The following GRK5 variants were observed in gnomAD, a reference collection of about 807,000 sequenced individuals.
GRK5 encodes G protein-coupled receptor kinase 5.
In GRK5, 40 loss-of-function variants were observed where a neutral mutation model predicts 78.4. The ratio of observed to expected loss-of-function variants is 0.51; its 90% CI spans 0.40 to 0.66. The LOEUF is 0.66. Ranked by LOEUF, GRK5 falls within the 30% of genes least tolerant of loss-of-function variation. The pLI is 0.00. For synonymous variants in GRK5, 289 were observed against 296.8 expected (o/e 0.97, Z 0.27); for missense variants, 598 against 759.9 (o/e 0.79, Z 2.50).
intron 1 of GRK5, among the ~76,000 whole-genome samples, chr10:119,252,676 G>A (rs1027611559): frequency 6.6e-6 from 1 of 152,164 alleles, no homozygotes; most frequent in African/African-American, 2.4e-5. Context: ...AGAAAAAGAT[G>A]GTGCTGTTAA....
Position 119,289,037 on chromosome 10 carries a change from CT to C in GRK5, c.53-37471del, listed in dbSNP as rs561728802. 6.9e-3 allele frequency among the ~76,000 whole-genome samples: 1,047 copies of C among 152,198 alleles called. 8 individuals carry two copies. The highest frequency in any genetic ancestry group is 0.023 in the African/African-American group (975 of 41,516). ...TTTCCCCCTCTGACCTTAAGCAAAA[CT>C]TTTTTTTCCCTCCAACACTTGTATT... is the stretch of plus-strand genomic sequence containing the variant. On this transcript the variant is annotated intron_variant, in intron 1 of 15. Coordinates refer to ENST00000392870, the MANE Select transcript of GRK5 (RefSeq NM_005308.3).
intron 1 of GRK5, among the ~76,000 whole-genome samples, chr10:119,311,240 T>C (rs1010028621): frequency 6.6e-6 from 1 of 152,200 alleles, no homozygotes; most frequent in African/African-American, 2.4e-5. Context: ...GCTTTTGCTA[T>C]GTCCAAGCAC....
chr10:119,353,664 C>T (rs1035098362), intron 2 of GRK5, among the ~76,000 whole-genome samples: 9 of 152,178 alleles, frequency 5.9e-5, no homozygotes, highest in South Asian at 4.1e-4. Flanking sequence ...GAGAATTTGA[C>T]GCACTCAGAA....
At chr10:119,386,699 C>T (rs918659809) in intron 3 of GRK5, among the ~76,000 whole-genome samples, 5 of 152,328 alleles carry the variant, frequency 3.3e-5, no homozygotes, top group South Asian at 4.1e-4. Context: ...CCCATCTTGA[C>T]GTCAAATGAC....
At chr10:119,450,632 T>C (rs1853263530) in intron 13 of GRK5, among the ~76,000 whole-genome samples, 1 of 152,164 alleles carries the variant, frequency 6.6e-6, no homozygotes, top group Non-Finnish European at 1.5e-5. Context: ...ACTGTCCTGC[T>C]TTTAGCACTG....
chr10:119,444,223 T>C (rs552789286), intron 12 of GRK5, among the ~76,000 whole-genome samples: 2 of 152,260 alleles, frequency 1.3e-5, no homozygotes, highest in South Asian at 4.1e-4. Flanking sequence ...GAACATCTTA[T>C]AACAAAGTTT....
At chr10:119,335,169 T>TCTCTCTCCCC (rs1850856484) in intron 2 of GRK5, among the ~76,000 whole-genome samples, 1 of 134,824 alleles carries the variant, frequency 7.4e-6, no homozygotes, top group African/African-American at 3.2e-5. Flanking sequence ...TCTCTCTCTC[T>TCTCTCTCCCC]CTCTCTCCCC....
chr10:119,436,288 G>A (rs1256019990), intron 8 of GRK5, among the ~76,000 whole-genome samples: 1 of 152,238 alleles, frequency 6.6e-6, no homozygotes. Context: ...GGGCAAGTGA[G>A]CCCTGCTTTT....
rs543970741 is a variant in GRK5, at chr10:119,427,532, A to C, written c.533+2447A>C. Among the ~76,000 whole-genome samples the C allele has an allele frequency of 4.7e-4, 71 of 151,884 alleles. 1 individual carries two copies. The highest frequency in any genetic ancestry group is 1.6e-3 in the African/African-American group (66 of 41,408). On this transcript the variant is annotated intron_variant, in intron 6 of 15. Transcript: ENST00000392870. ...AGCCATCAGCAGCATCACCGCCATC[A>C]TCAGTATCACCACCATCCTCAGTAT...
At chr10:119,404,189 G>A (rs1852197796) in intron 4 of GRK5, among the ~76,000 whole-genome samples, 1 of 151,952 alleles carries the variant, frequency 6.6e-6, no homozygotes, top group Non-Finnish European at 1.5e-5. Context: ...TATTTTCTGT[G>A]TTTTTTATTT....
chr10:119,216,660 TAAATAA>T (rs1346556664), intron 1 of GRK5, among the ~76,000 whole-genome samples: 1 of 150,864 alleles, frequency 6.6e-6, no homozygotes, highest in Non-Finnish European at 1.5e-5. Flanking sequence ...AAATAAAAAA[TAAATAA>T]AAATGGCCAG....
chr10:119,256,815 C>T (rs1849294305), intron 1 of GRK5, among the ~76,000 whole-genome samples: 1 of 152,202 alleles, frequency 6.6e-6, no homozygotes, highest in East Asian at 1.9e-4. Context: ...GCAACCATCA[C>T]CACTATCTAA....
intron 3 of GRK5, among the ~76,000 whole-genome samples, chr10:119,394,453 T>C (rs1272490673): frequency 1.2e-5 from 1 of 82,814 alleles, no homozygotes; most frequent in Non-Finnish European, 2.5e-5. Flanking sequence ...TGTATCTGCT[T>C]AGTGGGCACG....
Position 119,457,411 on chromosome 10 carries a change from G to A in GRK5, c.*2344G>A, listed in dbSNP as rs1999627. ...GTTTCTAGGTCATGAGAGCTCTGGC[G>A]ATACTACCACAAGGCCTGCACGTGG... On this transcript the variant is annotated 3_prime_UTR_variant, in exon 16 of 16. Transcript: ENST00000392870. The A allele has an allele frequency of 0.089, 13,583 of 152,202 alleles. 857 individuals are homozygous for A. The highest frequency in any genetic ancestry group is 0.29 in the East Asian group (1,504 of 5,168). 9.4% of individuals were successfully genotyped at this position (152,202 alleles called of 1,614,324 possible).
In GRK5 at chr10:119,453,172, C is replaced by T. The variant is rs1853326167; in HGVS notation, c.1570C>T (p.Leu524=). ...GATAGAAACAGAATGCTTTAAGGAG[C>T]TGAACGTGTTTGGACCTAATGGTAC... The part of the protein sequence containing the change: ...EMIETECFKE[L]NVFGPNGTLP... Residue 524 remains leucine, a synonymous_variant, in exon 15 of 16, where the codon CTG becomes TTG. Coordinates refer to ENST00000392870, the MANE Select transcript of GRK5 (RefSeq NM_005308.3). 1 of 1,560,078 alleles carries T rather than the reference C, an allele frequency of 6.4e-7. No individual in the cohort carries two copies. Among genetic ancestry groups the T allele is most frequent in the Non-Finnish European group, 8.8e-7 (1 of 1,130,760 alleles).
intron 2 of GRK5, among the ~76,000 whole-genome samples, chr10:119,359,143 G>T (rs1211631279): frequency 1.3e-5 from 2 of 152,214 alleles, no homozygotes; most frequent in Non-Finnish European, 2.9e-5. Flanking sequence ...CAGGGGGGTT[G>T]CTGGTGCTGT....
intron 2 of GRK5, among the ~76,000 whole-genome samples, chr10:119,375,758 G>A (rs1226797216): frequency 6.6e-6 from 1 of 152,166 alleles, no homozygotes; most frequent in East Asian, 1.9e-4. Context: ...TGCCGGGGAG[G>A]TGGGGAGTGT....
chr10:119,443,529 C>T lies in GRK5; in HGVS notation c.1058-15C>T, dbSNP rs955591167. ...TCCCTCCTCCTCACTCCTCTCTCCT[C>T]TCCTCTGCCCCCAGCTCCAGAGGTC... On this transcript the variant is annotated splice_polypyrimidine_tract_variant and intron_variant, in intron 11 of 15. Coordinates refer to ENST00000392870, the MANE Select transcript of GRK5 (RefSeq NM_005308.3). 1 of 1,593,528 alleles carries T rather than the reference C, an allele frequency of 6.3e-7. No homozygotes were observed. Among genetic ancestry groups the T allele is most frequent in the Non-Finnish European group, 8.6e-7 (1 of 1,163,392 alleles).
chr10:119,212,546 G>A (rs1848504928), intron 1 of GRK5, among the ~76,000 whole-genome samples: 1 of 152,148 alleles, frequency 6.6e-6, no homozygotes, highest in Non-Finnish European at 1.5e-5. Flanking sequence ...CCTTTACCAA[G>A]GGCTATTCAA....
Sources: gnomAD v4.1 joint callset for allele counts (sites outside exome capture counted in the v4.1 genomes callset) on GRCh38, gnomAD v4.1.1 for gene constraint, MANE v1.5 for transcripts, NCBI Gene and HGNC (gene_info 2026-07-23, HGNC 2026-07-21) for gene names.